The following ACACB variants were observed in gnomAD, a reference collection of about 807,000 sequenced individuals.
ACACB encodes acetyl-CoA carboxylase 2.
In ACACB, 209 loss-of-function variants were observed where a neutral mutation model predicts 278.8. The observed-to-expected ratio is 0.75, with a 90% CI of 0.67 to 0.84. ACACB has a LOEUF of 0.84. ACACB is among the 40% of genes least tolerant of loss of function. ACACB has a pLI of 0.00. For synonymous variants in ACACB, 1,174 were observed against 1,285.6 expected (o/e 0.91, Z 1.86); for missense variants, 2,850 against 3,269.0 (o/e 0.87, Z 3.13).
intron 22 of ACACB, 115 bp downstream of exon 22, chr12:109,213,051 G>T: frequency 1.2e-6 from 1 of 830,272 alleles, no homozygotes; most frequent in Non-Finnish European, 2.0e-6. Context: ...GAGAAAGTGT[G>T]TTATAGTCCT....
intron 4 of ACACB, among the ~76,000 whole-genome samples, chr12:109,171,534 G>C (rs1239656849): frequency 6.6e-6 from 1 of 151,598 alleles, no homozygotes; most frequent in Non-Finnish European, 1.5e-5. Context: ...ATTTTTAGTA[G>C]AGACAGAATT....
At chr12:109,208,366 C>T (rs1305170487) in intron 20 of ACACB, among the ~76,000 whole-genome samples, 1 of 151,930 alleles carries the variant, frequency 6.6e-6, no homozygotes, top group Non-Finnish European at 1.5e-5. Context: ...CAGGTGCCTG[C>T]CACCACACCC....
chr12:109,204,462 A>G (rs1282624203), intron 19 of ACACB, among the ~76,000 whole-genome samples: 1 of 151,598 alleles, frequency 6.6e-6, no homozygotes. Context: ...TTTAGTAGAG[A>G]TGGGGTTTCA....
At chr12:109,140,324 TTCCTTCCTTCC>T (rs2043088026) in intron 2 of ACACB, among the ~76,000 whole-genome samples, 1 of 143,776 alleles carries the variant, frequency 7.0e-6, no homozygotes, top group Non-Finnish European at 1.5e-5. Flanking sequence ...CCTTCCTTCC[TTCCTTCCTTCC>T]TTCCTTCCTT....
At chr12:109,252,889 G>A (rs956446971) in intron 42 of ACACB, 126 bp from the exon 43 acceptor site, 13 of 927,666 alleles carry the variant, frequency 1.4e-5, no homozygotes, top group Non-Finnish European at 2.0e-5. Context: ...TGAGCATCAG[G>A]ATTTGTGAAA....
chr12:109,209,289 G>C lies in ACACB; in HGVS notation c.3185G>C (p.Arg1062Pro). 6.2e-7 allele frequency: 1 copy of C among 1,612,654 alleles called. No individual in the cohort carries two copies. The highest frequency in any genetic ancestry group is 8.5e-7 in the Non-Finnish European group (1 of 1,179,958). The change falls in exon 21 of 53, where the codon CGC (arginine) becomes CCC (proline). Residue 1062 changes from arginine to proline, a missense_variant. By Grantham distance (103) the Arg-to-Pro change is moderately radical (BLOSUM62 -2). Transcript: ENST00000338432. ...RIPAPVEKSVRRVMAQYASNI... is the reference protein window; with the variant it reads ...RIPAPVEKSVPRVMAQYASNI... The stretch of plus-strand genomic sequence containing the variant: ...CCCGCCCCTGTGGAGAAGTCTGTCC[G>C]CAGGGTGATGGCCCAGTATGCCAGC...
At chr12:109,235,951 G>T in intron 33 of ACACB, 1 of 321,074 alleles carries the variant, frequency 3.1e-6, no homozygotes, top group Non-Finnish European at 5.7e-6. Context: ...GTGAGCCAAG[G>T]TGATTCCACT....
At chr12:109,183,546 A>G (rs1565896775) in intron 11 of ACACB, among the ~76,000 whole-genome samples, 1 of 152,110 alleles carries the variant, frequency 6.6e-6, no homozygotes, top group Non-Finnish European at 1.5e-5. Flanking sequence ...TGTAGCTATC[A>G]TAAATGGAAT....
At chr12:109,196,752 A>C (rs1407027255) in intron 16 of ACACB, among the ~76,000 whole-genome samples, 1 of 152,200 alleles carries the variant, frequency 6.6e-6, no homozygotes, top group Non-Finnish European at 1.5e-5. Flanking sequence ...AGTTGCCAAC[A>C]CGGCTTGACA....
intron 43 of ACACB, among the ~76,000 whole-genome samples, chr12:109,253,918 C>T (rs1267455019): frequency 1.3e-5 from 2 of 152,182 alleles, no homozygotes; most frequent in Admixed American, 1.3e-4. Flanking sequence ...TTCCTCCTAT[C>T]TGACCATATA....
chr12:109,266,978 C>T lies in ACACB; in HGVS notation c.*616C>T, dbSNP rs1309557969. On this transcript the variant is annotated 3_prime_UTR_variant, in exon 53 of 53. Transcript: ENST00000338432. ...GGAGTGCAGTGGCATGATCTCACTG[C>T]AACCTCCATCTCCTGTCTCAGCCTC... The T allele has an allele frequency of 6.7e-6, 1 of 149,142 alleles. No homozygotes were observed. The highest frequency in any genetic ancestry group is 2.0e-4 in the East Asian group (1 of 5,104). 9.2% of individuals were successfully genotyped at this position (149,142 alleles called of 1,614,324 possible).
intron 36 of ACACB, 56 bp downstream of exon 36, chr12:109,241,337 G>A (rs2046794324): frequency 3.2e-6 from 5 of 1,540,770 alleles, no homozygotes; most frequent in Non-Finnish European, 3.6e-6. Context: ...GGCTGCTTGG[G>A]CCATCAATTT....
intron 19 of ACACB, among the ~76,000 whole-genome samples, chr12:109,204,485 G>A (rs1022767094): frequency 6.6e-6 from 1 of 151,820 alleles, no homozygotes; most frequent in African/African-American, 2.4e-5. Flanking sequence ...ATGTTGGCCA[G>A]GCTGATCTCG....
Position 109,222,640 on chromosome 12 carries a change from T to C in ACACB, c.3678+20T>C. 1 of 1,602,636 alleles carries C rather than the reference T, an allele frequency of 6.2e-7. No homozygotes were observed. The highest frequency in any genetic ancestry group is 8.5e-7 in the Non-Finnish European group (1 of 1,169,782). Reference sequence around the variant, plus strand: ...CGGCAGGTAGGGTCTCAGGGTGCGGTCCCCACGATGTGCGTTTCCCCCCAC... The same window carrying C: ...CGGCAGGTAGGGTCTCAGGGTGCGGCCCCCACGATGTGCGTTTCCCCCCAC... On this transcript the variant is annotated intron_variant, in intron 25 of 52. Transcript: ENST00000338432.
intron 4 of ACACB, among the ~76,000 whole-genome samples, chr12:109,170,844 G>C (rs246097): frequency 0.63 from 95,023 of 151,090 alleles, 30,692 homozygotes; most frequent in Middle Eastern, 0.72. Flanking sequence ...TTGTTTGTTT[G>C]TTTGTTTTTT....
intron 2 of ACACB, among the ~76,000 whole-genome samples, 195 bp downstream of exon 2, chr12:109,140,253 TCCA>T (rs2136025563): frequency 7.7e-6 from 1 of 129,374 alleles, no homozygotes; most frequent in South Asian, 2.6e-4. Context: ...CTTCCTTCCT[TCCA>T]TCCTTCCTTC....
rs746182542 is a variant in ACACB, at chr12:109,222,514, T to C, written c.3572T>C (p.Leu1191Pro). ...NQLVIMLIDE[L>P]CGPDPSLSDE... ...CTTTTTCTGTCCCCTAAGGATGAGCTGTGTGGCCCAGACCCTTCCCTGTCG... is the reference window on the plus strand; with the variant it reads ...CTTTTTCTGTCCCCTAAGGATGAGCCGTGTGGCCCAGACCCTTCCCTGTCG... Residue 1191 changes from leucine (L) to proline (P), a missense_variant, in exon 25 of 53, where the codon CTG becomes CCG. Transcript: ENST00000338432. The C allele has an allele frequency of 2.5e-6, 4 of 1,614,156 alleles. No homozygotes were observed. The highest frequency in any genetic ancestry group is 8.5e-7 in the Non-Finnish European group (1 of 1,179,998).
chr12:109,216,736 G>C, intron 23 of ACACB, 30 bp downstream of exon 23: 8 of 1,614,190 alleles, frequency 5.0e-6, no homozygotes, highest in Non-Finnish European at 6.8e-6. Context: ...ACACCAGTGG[G>C]ATGGTGGGGG....
chr12:109,136,957 G>C (rs1238202944), intron 1 of ACACB, among the ~76,000 whole-genome samples: 1 of 152,194 alleles, frequency 6.6e-6, no homozygotes, highest in Non-Finnish European at 1.5e-5. Context: ...TCCCCATTTA[G>C]TATGATGTTA....
Sources: allele counts gnomAD v4.1 joint callset (sites outside exome capture counted in the v4.1 genomes callset), GRCh38; gene constraint gnomAD v4.1.1; transcripts MANE v1.5; gene names NCBI Gene and HGNC (gene_info 2026-07-23, HGNC 2026-07-21).